NOS1: variants seen among roughly 807,000 people sequenced by gnomAD.
The protein encoded by NOS1 is nitric oxide synthase 1, also known as NOS type I.
In NOS1, 51 loss-of-function variants were observed where a neutral mutation model predicts 164.5. The observed-to-expected ratio is 0.31, with a 90% CI of 0.25 to 0.39. NOS1 has a LOEUF of 0.39. Ranked by LOEUF, NOS1 falls within the 10% of genes least tolerant of loss-of-function variation. The pLI is 1.00. For missense variants in NOS1, 1,362 were observed against 1,885.6 expected, an observed-to-expected ratio of 0.72 and a Z score of 5.14; for synonymous variants, 719 against 745.8, an observed-to-expected ratio of 0.96 and a Z score of 0.59.
At chr12:117,220,334 C>T in intron 26 of NOS1, 65 bp from the exon 27 acceptor site, 1 of 1,484,874 alleles carries the variant, frequency 6.7e-7, no homozygotes, top group Non-Finnish European at 9.0e-7. Context: ...TAGCCCATGT[C>T]TGCCCAGGAA....
At chr12:117,239,874 A>G (rs1403247271) in intron 20 of NOS1, among the ~76,000 whole-genome samples, 1 of 152,050 alleles carries the variant, frequency 6.6e-6, no homozygotes, top group Non-Finnish European at 1.5e-5. Context: ...AACTGATTTT[A>G]ATTCTACACT....
chr12:117,286,125 C>T lies in NOS1; in HGVS notation c.1269G>A (p.Arg423=), dbSNP rs267603327. The change falls in exon 6 of 29, where the codon AGG becomes AGA. Residue 423 remains arginine (R), a synonymous_variant. Transcript: ENST00000317775. ...AWRNASRCVG[R]IQWSKLQVFD... ...CTACCTGCAGCTTGGACCACTGGAT[C>T]CTGCCCACACAGCGCGAGGCATTCC... The T allele has an allele frequency of 1.2e-5, 19 of 1,614,074 alleles. No homozygotes were observed. The highest frequency in any genetic ancestry group is 1.7e-5 in the Admixed American group (1 of 59,998).
chr12:117,329,740 C>T (rs1002946121), intron 2 of NOS1, among the ~76,000 whole-genome samples: 1 of 152,196 alleles, frequency 6.6e-6, no homozygotes, highest in African/African-American at 2.4e-5. Flanking sequence ...CCAGCTCCCA[C>T]ATAATCCCAG....
intron 7 of NOS1, 148 bp from the exon 8 acceptor site, chr12:117,281,014 G>A (rs1256876683): frequency 6.6e-5 from 53 of 806,244 alleles, no homozygotes; most frequent in Non-Finnish European, 8.5e-5. Context: ...ATGGAGCAGC[G>A]GTCGGAAGGG....
At chr12:117,343,731 A>G (rs1036821526) in intron 1 of NOS1, among the ~76,000 whole-genome samples, 1 of 152,232 alleles carries the variant, frequency 6.6e-6, no homozygotes, top group Admixed American at 6.5e-5. Context: ...TTGAGGCTCA[A>G]TCAAATTTCT....
chr12:117,229,885 G>A (rs943662356), intron 22 of NOS1, among the ~76,000 whole-genome samples: 1 of 149,914 alleles, frequency 6.7e-6, no homozygotes, highest in South Asian at 2.1e-4. Flanking sequence ...CACTGTGCCC[G>A]GCCTATTTAT....
rs57047376 is a variant in NOS1 at position 117,256,284 on chromosome 12, G to GTTTTTTTTTTTTTTTTTTT, written c.2531+2112_2531+2113insAAAAAAAAAAAAAAAAAAA. 4.0e-4 allele frequency among the ~76,000 whole-genome samples: 47 copies of GTTTTTTTTTTTTTTTTTTT among 118,424 alleles called. 3 individuals carry two copies. The highest frequency in any genetic ancestry group is 1.3e-3 in the East Asian group (5 of 3,826). 77.7% of individuals were successfully genotyped at this position (118,424 alleles called of 152,430 possible). On this transcript the variant is annotated intron_variant, in intron 16 of 28. Coordinates refer to ENST00000317775, the MANE Select transcript of NOS1 (RefSeq NM_000620.5). ...CAAAGAAAATCAGAAGGGATTTTCT[G>GTTTTTTTTTTTTTTTTTTT]TTTTTTTTTTTTGAGACGGAGTCTC...
intron 3 of NOS1, among the ~76,000 whole-genome samples, chr12:117,293,352 G>A (rs541178221): frequency 2.6e-5 from 4 of 152,174 alleles, no homozygotes; most frequent in South Asian, 2.1e-4. Flanking sequence ...GACAAGCCAC[G>A]GGTGGGAGCT....
At position 117,215,050 on chromosome 12, in the gene NOS1, G is replaced by T; in HGVS notation, c.*259C>A. 8.4e-7 allele frequency: 1 copy of T among 1,196,732 alleles called. No homozygotes were observed. Among genetic ancestry groups the T allele is most frequent in the Non-Finnish European group, 1.0e-6 (1 of 964,858 alleles). The allele number at this position is 1,196,732 out of a possible 1,614,324, so 74.1% of individuals were successfully genotyped here. A position where few individuals can be genotyped will look rare whatever the true frequency, so the allele number is the denominator to read the frequency against. ...ATGCACCCGTGAGTTGCCCTTGTCG[G>T]CAAGAGAGGGAGTGGGAACAGAGTT... On this transcript the variant is annotated 3_prime_UTR_variant, in exon 29 of 29. Coordinates refer to ENST00000317775, the MANE Select transcript of NOS1 (RefSeq NM_000620.5).
chr12:117,257,607 C>CTTTTTTTTTT (rs151304592), intron 16 of NOS1, among the ~76,000 whole-genome samples: 5 of 99,120 alleles, frequency 5.0e-5, no homozygotes, highest in Non-Finnish European at 7.5e-5. Flanking sequence ...TTGATTTTAG[C>CTTTTTTTTTT]TTTTTTTTTT....
At chr12:117,312,661 G>A (rs573431841) in intron 2 of NOS1, among the ~76,000 whole-genome samples, 2 of 152,004 alleles carry the variant, frequency 1.3e-5, no homozygotes, top group Admixed American at 1.3e-4. Flanking sequence ...TGGTTCAAGT[G>A]GTCCTCCCAC....
At chr12:117,312,029 G>C (rs1416569013) in intron 2 of NOS1, among the ~76,000 whole-genome samples, 1 of 152,162 alleles carries the variant, frequency 6.6e-6, no homozygotes, top group Non-Finnish European at 1.5e-5. Flanking sequence ...GAAGGATAGA[G>C]AGGTCCTGTG....
chr12:117,295,873 C>T (rs1873383741), intron 3 of NOS1, among the ~76,000 whole-genome samples: 1 of 151,700 alleles, frequency 6.6e-6, no homozygotes, highest in Admixed American at 6.6e-5. Flanking sequence ...AGGTGATCTG[C>T]CCACCTCAGC....
At chr12:117,230,851 C>A (rs925973056) in intron 22 of NOS1, among the ~76,000 whole-genome samples, 10 of 152,110 alleles carry the variant, frequency 6.6e-5, no homozygotes, top group African/African-American at 2.4e-4. Flanking sequence ...GTGAAGGAAG[C>A]CAGGCACAGT....
At chr12:117,278,200 A>G in intron 8 of NOS1, 102 bp from the exon 9 acceptor site, 1 of 1,306,530 alleles carries the variant, frequency 7.7e-7, no homozygotes, top group Non-Finnish European at 1.0e-6. Context: ...TCCAAATGCA[A>G]GCCCCCAGGA....
intron 16 of NOS1, among the ~76,000 whole-genome samples, chr12:117,254,476 G>T (rs926446294): frequency 2.6e-5 from 4 of 152,170 alleles, no homozygotes; most frequent in Admixed American, 2.6e-4. Flanking sequence ...TGATTAAGTA[G>T]TTCTGGGACC....
rs1283699640 is a variant in NOS1, at chr12:117,209,849, G to T, written c.*5460C>A. 5 of 985,368 alleles carry T rather than the reference G, an allele frequency of 5.1e-6. No individual in the cohort carries two copies. The African/African-American group carries it at 7.0e-5, about 14-fold the overall frequency. The allele number at this position is 985,368 out of a possible 1,614,324, so 61.0% of individuals were successfully genotyped here. On this transcript the variant is annotated 3_prime_UTR_variant, in exon 29 of 29. Transcript: ENST00000317775. ...AGTGTGAGATAAAGGGCAGAGGCCAGGCCAGGTTGGCCTCCAAAGTCAAAT... is the reference window on the plus strand; with the variant it reads ...AGTGTGAGATAAAGGGCAGAGGCCATGCCAGGTTGGCCTCCAAAGTCAAAT...
At chr12:117,275,110 G>A (rs1163240337) in intron 9 of NOS1, among the ~76,000 whole-genome samples, 1 of 151,870 alleles carries the variant, frequency 6.6e-6, no homozygotes, top group Non-Finnish European at 1.5e-5. Context: ...CACATTGCAT[G>A]CCCATATCAA....
rs151304592 is a variant in NOS1 at position 117,257,607 on chromosome 12, C to CTT, written c.2531+788_2531+789dup. Reference sequence around the variant, plus strand: ...AAGAAGTTCCATTCTTTGATTTTAGCTTTTTTTTTTTTTTTTTTTTTTTTT... The same window carrying CTT: ...AAGAAGTTCCATTCTTTGATTTTAGCTTTTTTTTTTTTTTTTTTTTTTTTTTT... On this transcript the variant is annotated intron_variant, in intron 16 of 28. Coordinates refer to ENST00000317775, the MANE Select transcript of NOS1 (RefSeq NM_000620.5). Among the ~76,000 whole-genome samples, 203 of 99,120 alleles carry CTT rather than the reference C, an allele frequency of 2.0e-3. 1 individual carries two copies. Among genetic ancestry groups the CTT allele is most frequent in the Middle Eastern group, 7.7e-3 (1 of 130 alleles). The allele number at this position is 99,120 out of a possible 152,430, so 65.0% of individuals were successfully genotyped here. A position where few individuals can be genotyped will look rare whatever the true frequency, so the allele number is the denominator to read the frequency against.
Sources: allele counts gnomAD v4.1 joint callset (sites outside exome capture counted in the v4.1 genomes callset), GRCh38; gene constraint gnomAD v4.1.1; transcripts MANE v1.5; gene names NCBI Gene and HGNC (gene_info 2026-07-23, HGNC 2026-07-21).